Variants in FAM168A observed in about 807,000 individuals in gnomAD.
FAM168A encodes the protein protein FAM168A.
A neutral mutation model predicts 28.5 loss-of-function variants in FAM168A; 3 were observed. The ratio of observed to expected loss-of-function variants is 0.11; its 90% CI spans 0.05 to 0.27. The LOEUF (loss-of-function observed/expected upper bound fraction) is 0.27, where lower values mean the gene tolerates loss of function less well. Among genes scored for constraint, FAM168A ranks in the 10% least tolerant of loss-of-function variants. FAM168A has a pLI of 1.00. For synonymous variants in FAM168A, 122 were observed against 124.2 expected (o/e 0.98, Z 0.12); for missense variants, 222 against 311.5 (o/e 0.71, Z 2.16).
intron 1 of FAM168A, among the ~76,000 whole-genome samples, chr11:73,558,870 C>T (rs1466674242): frequency 6.6e-6 from 1 of 152,102 alleles, no homozygotes; most frequent in Non-Finnish European, 1.5e-5. Flanking sequence ...ATGGTGCAGC[C>T]ATTATGGAAA....
intron 5 of FAM168A, among the ~76,000 whole-genome samples, chr11:73,410,915 C>G (rs1866597720): frequency 6.6e-6 from 1 of 152,156 alleles, no homozygotes; most frequent in South Asian, 2.1e-4. Context: ...GTAACTTGTC[C>G]AAGGTCACAG....
Position 73,598,110 on chromosome 11 carries a change from G to A in FAM168A, c.-206C>T, listed in dbSNP as rs1442116662. 3 of 152,312 alleles carry A rather than the reference G, an allele frequency of 2.0e-5. No homozygotes were observed. The highest frequency in any genetic ancestry group is 1.9e-4 in the East Asian group (1 of 5,172). The allele number at this position is 152,312 out of a possible 1,614,324, so 9.4% of individuals were successfully genotyped here. ...CTCTGCAGTAGCCGCCGAGGAGCCCGACGGGTGGGGGGAGGGGACGCTCGG... is the reference window on the plus strand; with the variant it reads ...CTCTGCAGTAGCCGCCGAGGAGCCCAACGGGTGGGGGGAGGGGACGCTCGG... On this transcript the variant is annotated 5_prime_UTR_variant, in exon 1 of 8. Coordinates refer to ENST00000356467, the MANE Select transcript of FAM168A (RefSeq NM_015159.3).
chr11:73,542,172 T>C (rs1156444143), intron 1 of FAM168A, among the ~76,000 whole-genome samples: 2 of 152,250 alleles, frequency 1.3e-5, no homozygotes, highest in African/African-American at 4.8e-5. Context: ...GCTTTATATA[T>C]GCTAATTACT....
rs1590746450 is a variant in FAM168A at position 73,402,577 on chromosome 11, G to A, written c.*4186C>T. The A allele has an allele frequency of 6.6e-6, 1 of 152,170 alleles. No homozygotes were observed. 9.4% of individuals were successfully genotyped at this position (152,170 alleles called of 1,614,324 possible). ...AGTCTGGTTCTGGTCCTCACCCATG[G>A]GAAAAGCAAGCCCAGGGACTTCAGT... On this transcript the variant is annotated 3_prime_UTR_variant, in exon 8 of 8. Transcript: ENST00000356467.
At chr11:73,414,575 T>C (rs1252021362) in intron 4 of FAM168A, among the ~76,000 whole-genome samples, 8 of 152,190 alleles carry the variant, frequency 5.3e-5, no homozygotes, top group Non-Finnish European at 1.5e-5. Context: ...TTAATAGCTA[T>C]AGGATACATC....
intron 1 of FAM168A, among the ~76,000 whole-genome samples, chr11:73,534,724 G>A (rs74881062): frequency 0.078 from 11,846 of 152,178 alleles, 562 homozygotes; most frequent in Non-Finnish European, 0.11. Context: ...TTTCTAGAAA[G>A]AAAGCATGCT....
chr11:73,464,031 CCTAATCA>C (rs1309418892), intron 2 of FAM168A, among the ~76,000 whole-genome samples: 3 of 152,078 alleles, frequency 2.0e-5, no homozygotes, highest in Admixed American at 6.6e-5. Context: ...CATCTGAGAT[CCTAATCA>C]CTGTACCGTC....
At chr11:73,472,061 T>C (rs1867822495) in intron 1 of FAM168A, among the ~76,000 whole-genome samples, 1 of 152,080 alleles carries the variant, frequency 6.6e-6, no homozygotes, top group African/African-American at 2.4e-5. Context: ...TACGAAGGAA[T>C]CTAGGTTGTG....
intron 1 of FAM168A, among the ~76,000 whole-genome samples, chr11:73,528,563 T>TCTGTCTATGCAGTAG (rs1418529948): frequency 1.3e-5 from 2 of 152,168 alleles, no homozygotes; most frequent in African/African-American, 4.8e-5. Context: ...AATGTCCTAT[T>TCTGTCTATGCAGTAG]CTGTCTATGC....
chr11:73,448,574 A>G (rs936346430), intron 2 of FAM168A, among the ~76,000 whole-genome samples: 11 of 152,220 alleles, frequency 7.2e-5, no homozygotes, highest in African/African-American at 2.7e-4. Context: ...AGTCTGGAAA[A>G]GCTAAATACT....
chr11:73,410,740 A>T (rs145707474), intron 5 of FAM168A: 2 of 152,246 alleles, frequency 1.3e-5, no homozygotes, highest in Non-Finnish European at 2.9e-5. Flanking sequence ...TTAAACTAAA[A>T]AAGTATTCTC....
chr11:73,473,401 C>T lies in FAM168A; in HGVS notation c.-18-4909G>A, dbSNP rs538802946. Among the ~76,000 whole-genome samples the T allele has an allele frequency of 3.3e-5, 5 of 152,272 alleles. No individual in the cohort carries two copies. The East Asian group carries it at 7.7e-4, about 24-fold the overall frequency. On this transcript the variant is annotated intron_variant, in intron 1 of 7. Transcript: ENST00000356467. ...CTTGTTCAACTCAAGAGCCTAAGTGCTCTGCTTGGACCCTAACAGATCACA... is the reference window on the plus strand; with the variant it reads ...CTTGTTCAACTCAAGAGCCTAAGTGTTCTGCTTGGACCCTAACAGATCACA...
At chr11:73,528,851 C>G (rs1943480378) in intron 1 of FAM168A, among the ~76,000 whole-genome samples, 1 of 151,920 alleles carries the variant, frequency 6.6e-6, no homozygotes, top group Non-Finnish European at 1.5e-5. Flanking sequence ...CAACATCAGC[C>G]TCATAAATTT....
intron 1 of FAM168A, among the ~76,000 whole-genome samples, chr11:73,484,554 C>A (rs1188993103): frequency 1.9e-4 from 27 of 142,624 alleles, no homozygotes; most frequent in African/African-American, 6.4e-4. Flanking sequence ...CTATCTATAT[C>A]TATATATCTA....
At chr11:73,591,404 A>G (rs1944380325) in intron 1 of FAM168A, among the ~76,000 whole-genome samples, 1 of 152,238 alleles carries the variant, frequency 6.6e-6, no homozygotes, top group Admixed American at 6.5e-5. Context: ...TAAGGAAAAG[A>G]AAGCACCCAG....
chr11:73,454,532 CAGA>C (rs1379861775), intron 2 of FAM168A, among the ~76,000 whole-genome samples: 1 of 152,198 alleles, frequency 6.6e-6, no homozygotes, highest in Non-Finnish European at 1.5e-5. Context: ...AAATTCTTAG[CAGA>C]AAAGAGCAGG....
chr11:73,447,804 C>G (rs982940253), intron 2 of FAM168A, among the ~76,000 whole-genome samples: 1 of 151,992 alleles, frequency 6.6e-6, no homozygotes, highest in South Asian at 2.1e-4. Flanking sequence ...GACCCATCAG[C>G]TAACTACCAT....
chr11:73,582,612 T>C (rs1590750009), intron 1 of FAM168A, among the ~76,000 whole-genome samples: 2 of 152,224 alleles, frequency 1.3e-5, no homozygotes, highest in Non-Finnish European at 1.5e-5. Context: ...TCAAGTCTTA[T>C]ATTTCAGTTG....
rs554146951 is a variant in FAM168A at position 73,418,014 on chromosome 11, A to G, written c.277+1860T>C. Among the ~76,000 whole-genome samples, 3 of 152,316 alleles carry G rather than the reference A, an allele frequency of 2.0e-5. No individual in the cohort carries two copies. In the South Asian group the frequency reaches 6.2e-4, roughly 32 times the overall value. On this transcript the variant is annotated intron_variant, in intron 4 of 7. Coordinates refer to ENST00000356467, the MANE Select transcript of FAM168A (RefSeq NM_015159.3). The stretch of plus-strand genomic sequence containing the variant: ...GGCCTCATCGTTCAAACTGGGATGA[A>G]AATCCACCTAAATAACTTAGTAGAC...
Sources: allele counts gnomAD v4.1 joint callset (sites outside exome capture counted in the v4.1 genomes callset), GRCh38; gene constraint gnomAD v4.1.1; transcripts MANE v1.5; gene names NCBI Gene and HGNC (gene_info 2026-07-23, HGNC 2026-07-21).